Variants in LAMP2 observed in about 807,000 individuals in gnomAD.
LAMP2 encodes the protein lysosome-associated membrane glycoprotein 2.
In LAMP2, 4 loss-of-function variants were observed where a neutral mutation model predicts 25.6. The ratio of observed to expected loss-of-function variants is 0.16; its 90% confidence interval spans 0.08 to 0.36. The LOEUF (loss-of-function observed/expected upper bound fraction) is 0.36. Ranked by LOEUF, LAMP2 falls within the 10% of genes least tolerant of loss-of-function variation. The pLI is 1.00. For synonymous variants in LAMP2, 108 were observed against 112.7 expected, an observed-to-expected ratio of 0.96 and a Z score of 0.27; for missense variants, 272 against 301.4, an observed-to-expected ratio of 0.90 and a Z score of 0.72.
intron 3 of LAMP2, among the ~76,000 whole-genome samples, chrX:120,454,594 C>T (rs892692712): frequency 4.6e-5 from 5 of 109,009 alleles, no homozygotes; most frequent in Non-Finnish European, 7.6e-5. Flanking sequence ...CCCCAACCCC[C>T]GATCTTGAAA....
chrX:120,457,190 G>A (rs1037822690), intron 1 of LAMP2, among the ~76,000 whole-genome samples: 1 of 111,128 alleles, frequency 9.0e-6, no homozygotes, highest in Admixed American at 9.6e-5. Context: ...TGGTTTTTGC[G>A]GTAAATGAGG....
In LAMP2 at chrX:120,429,175, T is replaced by TAC. The variant is rs1556075606; in HGVS notation, c.*2146_*2147dup. On this transcript the variant is annotated 3_prime_UTR_variant, in exon 9 of 9. Transcript: ENST00000200639. ...GTGTGTGTGTACATATATATATATA[T>TAC]ACACACACACACAATTATTTTTAGC... 1.7e-3 allele frequency: 1,213 copies of TAC among 715,660 alleles called. 13 individuals are homozygous for TAC. The African/African-American group carries it at 0.03, about 18-fold the overall frequency. 59.0% of individuals were successfully genotyped at this position (715,660 alleles called of 1,213,427 possible). A position where few individuals can be genotyped will look rare whatever the true frequency, so the allele number is the denominator to read the frequency against.
At chrX:120,441,168 T>A (rs1016230821) in intron 8 of LAMP2, among the ~76,000 whole-genome samples, 18 of 71,932 alleles carry the variant, frequency 2.5e-4, no homozygotes, top group African/African-American at 1.1e-3. Flanking sequence ...GAACACATTA[T>A]AATGAGCCCT....
chrX:120,441,956 T>C (rs2058574652), intron 7 of LAMP2, 62 bp from the exon 8 acceptor site: 2 of 1,062,864 alleles, frequency 1.9e-6, no homozygotes, highest in Non-Finnish European at 2.6e-6. Flanking sequence ...ATGGGAAAGT[T>C]GGCCAGGCAC....
chrX:120,429,451 C>G lies in LAMP2; in HGVS notation c.*1872G>C, dbSNP rs1268043547. The G allele has an allele frequency of 1.7e-6, 1 of 605,050 alleles. No homozygotes were observed. Among genetic ancestry groups the G allele is most frequent in the Non-Finnish European group, 2.0e-6 (1 of 505,271 alleles). 49.9% of individuals were successfully genotyped at this position (605,050 alleles called of 1,213,427 possible). ...GGTATTTGAGGATTAAATACAATTA[C>G]ATTTCTAAAGCATCTGATACACATC... On this transcript the variant is annotated 3_prime_UTR_variant, in exon 9 of 9. Transcript: ENST00000200639.
rs1273773338 is a variant in LAMP2 at position 120,469,088 on chromosome X, G to A, written c.64+18C>T. ...GGGCCCAGGCGGACAGACTAATCGG[G>A]AGGGCCCGACAACTCACCCAGGACT... On this transcript the variant is annotated intron_variant, in intron 1 of 8. Transcript: ENST00000200639. The A allele has an allele frequency of 1.7e-6, 2 of 1,208,508 alleles. No individual in the cohort carries two copies. Among genetic ancestry groups the A allele is most frequent in the South Asian group, 3.5e-5 (2 of 56,936 alleles).
chrX:120,447,061 A>G (rs1336060537), intron 5 of LAMP2, among the ~76,000 whole-genome samples: 1 of 112,280 alleles, frequency 8.9e-6, no homozygotes, highest in African/African-American at 3.2e-5. Flanking sequence ...TCATGGTTAT[A>G]GTAACTCCTA....
At chrX:120,432,944 A>T (rs2147273984) in intron 8 of LAMP2, among the ~76,000 whole-genome samples, 1 of 107,345 alleles carries the variant, frequency 9.3e-6, no homozygotes, top group South Asian at 4.1e-4. Flanking sequence ...AAAAAAAAAA[A>T]TCACTATGTC....
chrX:120,462,954 T>A (rs937835569), intron 1 of LAMP2, among the ~76,000 whole-genome samples: 3 of 112,528 alleles, frequency 2.7e-5, no homozygotes, highest in Non-Finnish European at 3.8e-5. Flanking sequence ...ACAAGTCTCC[T>A]TTTTAGTAAA....
intron 3 of LAMP2, among the ~76,000 whole-genome samples, chrX:120,452,947 AG>A (rs1394355966): frequency 9.1e-6 from 1 of 110,179 alleles, no homozygotes; most frequent in East Asian, 2.8e-4. Flanking sequence ...CTTTTTTGAG[AG>A]GGAGTCTAAA....
chrX:120,440,235 T>C (rs1325853850), intron 8 of LAMP2, among the ~76,000 whole-genome samples: 3 of 111,751 alleles, frequency 2.7e-5, no homozygotes, highest in African/African-American at 6.5e-5. Context: ...TTTTAGTGGC[T>C]GCAAAGTCAA....
chrX:120,450,046 T>C (rs2058614682), intron 3 of LAMP2, among the ~76,000 whole-genome samples: 1 of 112,329 alleles, frequency 8.9e-6, no homozygotes, highest in Non-Finnish European at 1.9e-5. Flanking sequence ...AATCATACAT[T>C]TGTATAGTAA....
chrX:120,466,809 G>A lies in LAMP2; in HGVS notation c.64+2297C>T, dbSNP rs960330520. Among the ~76,000 whole-genome samples, 3 of 109,659 alleles carry A rather than the reference G, an allele frequency of 2.7e-5. No homozygotes were observed. In the Admixed American group the frequency reaches 2.9e-4, roughly 11 times the overall value. On this transcript the variant is annotated intron_variant, in intron 1 of 8. Transcript: ENST00000200639. The stretch of plus-strand genomic sequence containing the variant: ...CTCTGCTGTACACTGGTGAGAGGAT[G>A]AGAGTGAAAAGGACAAAGGACAAAT...
intron 6 of LAMP2, among the ~76,000 whole-genome samples, chrX:120,444,142 G>A (rs2058586528): frequency 8.9e-6 from 1 of 111,910 alleles, no homozygotes; most frequent in African/African-American, 3.2e-5. Flanking sequence ...CAATGGAGAA[G>A]GTGAGGAAGA....
intron 1 of LAMP2, among the ~76,000 whole-genome samples, chrX:120,461,649 T>C (rs1312047216): frequency 8.9e-6 from 1 of 112,121 alleles, no homozygotes; most frequent in Non-Finnish European, 1.9e-5. Context: ...ATGAATGTCA[T>C]CTATCATGAG....
rs1163163365 is a variant in LAMP2 at position 120,430,917 on chromosome X, T to A, written c.*406A>T. Reference sequence around the variant, plus strand: ...GATGAGTTTAAATCACTATAGTCCTTATACATTGAAACAGAACACCAGTAG... The same window carrying A: ...GATGAGTTTAAATCACTATAGTCCTAATACATTGAAACAGAACACCAGTAG... On this transcript the variant is annotated 3_prime_UTR_variant, in exon 9 of 9. Transcript: ENST00000200639. 1.2e-6 allele frequency: 1 copy of A among 808,946 alleles called. No homozygotes were observed. Among genetic ancestry groups the A allele is most frequent in the African/African-American group, 2.2e-5 (1 of 45,319 alleles). 66.7% of individuals were successfully genotyped at this position (808,946 alleles called of 1,213,427 possible). A position where few individuals can be genotyped will look rare whatever the true frequency, so the allele number is the denominator to read the frequency against.
At chrX:120,435,912 AAGAG>A (rs1456734535) in intron 8 of LAMP2, among the ~76,000 whole-genome samples, 2 of 111,612 alleles carry the variant, frequency 1.8e-5, no homozygotes, top group Non-Finnish European at 3.8e-5. Flanking sequence ...TGATCTAAGT[AAGAG>A]AGAGACTGCA....
At chrX:120,455,078 C>T (rs112123034) in intron 3 of LAMP2, among the ~76,000 whole-genome samples, 8 of 102,391 alleles carry the variant, frequency 7.8e-5, no homozygotes, top group African/African-American at 2.9e-4. Context: ...TATATATACA[C>T]ATATATATGT....
At position 120,431,396 on chromosome X, in the gene LAMP2, C is replaced by G. The variant is rs2058522449; in HGVS notation, c.1160G>C (p.Gly387Ala). The change falls in exon 9 of 9, where the codon GGA becomes GCA. Residue 387 changes from glycine to alanine, a missense_variant. By Grantham distance (60) the Gly-to-Ala change is moderately conservative (BLOSUM62 0). Coordinates refer to ENST00000200639, the MANE Select transcript of LAMP2 (RefSeq NM_002294.3). ...AGCCAGCAACACTAGAATAAGTACTCCTGCCAAGGCAGCTCCCACCGCTAT... is the reference window on the plus strand; with the variant it reads ...AGCCAGCAACACTAGAATAAGTACTGCTGCCAAGGCAGCTCCCACCGCTAT... The part of the protein sequence containing the change: ...VPIAVGAALA[G>A]VLILVLLAYF... 6 of 1,209,111 alleles carry G rather than the reference C, an allele frequency of 5.0e-6. No individual in the cohort carries two copies. In the Admixed American group the frequency reaches 6.6e-5, roughly 13 times the overall value.
Sources: gnomAD v4.1 joint callset for allele counts (sites outside exome capture counted in the v4.1 genomes callset) on GRCh38, gnomAD v4.1.1 for gene constraint, MANE v1.5 for transcripts, NCBI Gene and HGNC (gene_info 2026-07-23, HGNC 2026-07-21) for gene names.